The following KSR2 variants were observed in gnomAD, a reference collection of about 807,000 sequenced individuals.
KSR2 encodes the protein kinase suppressor of ras 2.
KSR2 carries 25 observed loss-of-function variants against 107.8 expected under a neutral mutation model. That is an observed-to-expected ratio of 0.23 (90% CI 0.17 to 0.32). The LOEUF is 0.32. Ranked by LOEUF, KSR2 falls within the 10% of genes least tolerant of loss-of-function variation. The pLI is 1.00. For missense variants in KSR2, 887 were observed against 1,268.9 expected (o/e 0.70, Z 4.57); for synonymous variants, 480 against 507.0 (o/e 0.95, Z 0.71).
intron 1 of KSR2, among the ~76,000 whole-genome samples, chr12:117,899,117 C>T (rs902661994): frequency 1.2e-4 from 19 of 152,274 alleles, no homozygotes; most frequent in African/African-American, 4.3e-4. Flanking sequence ...AAAATCTCTG[C>T]TTATCCCAAA....
intron 10 of KSR2, among the ~76,000 whole-genome samples, chr12:117,538,736 T>C (rs1876234903): frequency 6.6e-6 from 1 of 152,228 alleles, no homozygotes; most frequent in Non-Finnish European, 1.5e-5. Context: ...TTAAATTATA[T>C]TTAATTTTAA....
intron 3 of KSR2, among the ~76,000 whole-genome samples, chr12:117,775,692 GAGAC>G (rs1406185088): frequency 1.3e-5 from 2 of 152,166 alleles, no homozygotes; most frequent in Non-Finnish European, 2.9e-5. Context: ...TGGGGAAACT[GAGAC>G]AGAGAGAGGA....
intron 5 of KSR2, among the ~76,000 whole-genome samples, chr12:117,625,902 G>A (rs1452569000): frequency 6.6e-6 from 1 of 152,158 alleles, no homozygotes; most frequent in Admixed American, 6.6e-5. Flanking sequence ...TCTATTCAGA[G>A]ATTCAATTTC....
chr12:117,894,858 T>G (rs1417693706), intron 1 of KSR2, among the ~76,000 whole-genome samples: 1 of 151,512 alleles, frequency 6.6e-6, no homozygotes, highest in African/African-American at 2.4e-5. Context: ...CTAAACATCC[T>G]ATGGAACTGT....
intron 14 of KSR2, among the ~76,000 whole-genome samples, chr12:117,487,583 G>A (rs1872533126): frequency 6.6e-6 from 1 of 152,130 alleles, no homozygotes; most frequent in African/African-American, 2.4e-5. Flanking sequence ...GAGACTGTGG[G>A]CAGAGTCCCT....
At chr12:117,733,640 C>G (rs1477636024) in intron 4 of KSR2, among the ~76,000 whole-genome samples, 1 of 152,142 alleles carries the variant, frequency 6.6e-6, no homozygotes, top group Non-Finnish European at 1.5e-5. Flanking sequence ...GGAAAATTTG[C>G]CAGCCCCTGT....
At chr12:117,519,783 CGTGT>C (rs144376357) in intron 14 of KSR2, among the ~76,000 whole-genome samples, 1 of 150,654 alleles carries the variant, frequency 6.6e-6, no homozygotes, top group Non-Finnish European at 1.5e-5. Context: ...TGTGTGTGTG[CGTGT>C]GTGTGTGTGC....
intron 3 of KSR2, among the ~76,000 whole-genome samples, chr12:117,803,903 A>T (rs1213087152): frequency 6.6e-6 from 1 of 152,140 alleles, no homozygotes; most frequent in East Asian, 1.9e-4. Flanking sequence ...AGTGGTTGAA[A>T]CTGGCAGAGC....
rs140855182 is a variant in KSR2, at chr12:117,865,847, A to G, written c.181-5416T>C. On this transcript the variant is annotated intron_variant, in intron 1 of 19. Transcript: ENST00000339824. The stretch of plus-strand genomic sequence containing the variant: ...ATAGTAGTGTTTCCCAACTGTAGGT[A>G]TCACTGATAACTTGAGAGGTGGTAC... Among the ~76,000 whole-genome samples, 231 of 152,310 alleles carry G rather than the reference A, an allele frequency of 1.5e-3. 1 individual carries two copies. Among genetic ancestry groups the G allele is most frequent in the African/African-American group, 5.3e-3 (220 of 41,572 alleles).
intron 1 of KSR2, among the ~76,000 whole-genome samples, chr12:117,960,112 G>A (rs914695641): frequency 2.6e-5 from 4 of 151,862 alleles, no homozygotes; most frequent in Admixed American, 2.0e-4. Context: ...CAAGAAGTTT[G>A]CATCTGCTGT....
chr12:117,706,708 T>C (rs1886543518), intron 4 of KSR2, among the ~76,000 whole-genome samples: 1 of 152,124 alleles, frequency 6.6e-6, no homozygotes, highest in Non-Finnish European at 1.5e-5. Flanking sequence ...CTAAAATGCA[T>C]TGAATTCTAT....
At chr12:117,752,021 C>T (rs1431280544) in intron 4 of KSR2, among the ~76,000 whole-genome samples, 3 of 152,152 alleles carry the variant, frequency 2.0e-5, no homozygotes, top group African/African-American at 7.2e-5. Context: ...AGTTTAAGTG[C>T]TTATACCTAG....
Position 117,910,707 on chromosome 12 carries a change from C to T in KSR2, c.181-50276G>A, listed in dbSNP as rs148639627. ...CTTGTTATGGTGCAGTATTATATAG[C>T]GTCATGGGATCCCCAGAGAGTGCTG... On this transcript the variant is annotated intron_variant, in intron 1 of 19. Transcript: ENST00000339824. Among the ~76,000 whole-genome samples, 993 of 152,246 alleles carry T rather than the reference C, an allele frequency of 6.5e-3. 10 individuals carry two copies. Among genetic ancestry groups the T allele is most frequent in the African/African-American group, 0.022 (925 of 41,538 alleles).
chr12:117,595,555 G>T (rs1318150116), intron 5 of KSR2, among the ~76,000 whole-genome samples: 3 of 151,574 alleles, frequency 2.0e-5, no homozygotes, highest in Non-Finnish European at 2.9e-5. Context: ...AGTAGAGACG[G>T]GGTTTCACCT....
chr12:117,490,340 A>G (rs1267379836), intron 14 of KSR2, among the ~76,000 whole-genome samples: 1 of 152,236 alleles, frequency 6.6e-6, no homozygotes, highest in African/African-American at 2.4e-5. Context: ...CCATGTCTGT[A>G]AAATGGGCAC....
intron 4 of KSR2, among the ~76,000 whole-genome samples, chr12:117,681,845 G>A (rs1211140144): frequency 6.6e-6 from 1 of 152,074 alleles, no homozygotes; most frequent in Admixed American, 6.6e-5. Context: ...TAAACCGTTG[G>A]GGAAGACAGT....
intron 15 of KSR2, among the ~76,000 whole-genome samples, chr12:117,485,286 T>C (rs1872400578): frequency 6.6e-6 from 1 of 152,192 alleles, no homozygotes; most frequent in Non-Finnish European, 1.5e-5. Flanking sequence ...CGAAGGATGG[T>C]GGATCCTAAC....
At chr12:117,584,297 TC>T (rs1270016711) in intron 5 of KSR2, among the ~76,000 whole-genome samples, 4 of 152,114 alleles carry the variant, frequency 2.6e-5, no homozygotes, top group African/African-American at 9.7e-5. Context: ...AAGAGAGCAT[TC>T]TTTCCATTCC....
At chr12:117,802,172 C>T (rs953133801) in intron 3 of KSR2, among the ~76,000 whole-genome samples, 2 of 151,950 alleles carry the variant, frequency 1.3e-5, no homozygotes, top group Non-Finnish European at 2.9e-5. Flanking sequence ...TTGTCTTTTC[C>T]AGCTTCTAGA....
Sources: gnomAD v4.1 joint callset for allele counts (sites outside exome capture counted in the v4.1 genomes callset) on GRCh38, gnomAD v4.1.1 for gene constraint, MANE v1.5 for transcripts, NCBI Gene and HGNC (gene_info 2026-07-23, HGNC 2026-07-21) for gene names.